The following CHRM3 variants were observed in gnomAD, a reference collection of about 807,000 sequenced individuals.
CHRM3 encodes the protein muscarinic acetylcholine receptor M3.
CHRM3 carries 11 observed loss-of-function variants against 41.8 expected under a neutral mutation model. The ratio of observed to expected loss-of-function variants is 0.26; its 90% CI spans 0.17 to 0.44. The LOEUF is 0.44. CHRM3 is among the 20% of genes least tolerant of loss of function. CHRM3 has a pLI of 1.00. For synonymous variants in CHRM3, 297 were observed against 301.4 expected (o/e 0.99, Z 0.15); for missense variants, 571 against 745.4 (o/e 0.77, Z 2.72).
At chr1:239,548,966 A>T (rs915353788) in intron 3 of CHRM3, among the ~76,000 whole-genome samples, 2 of 152,208 alleles carry the variant, frequency 1.3e-5, no homozygotes, top group African/African-American at 4.8e-5. Flanking sequence ...AAGAGGTTTA[A>T]TGAACTTACG....
chr1:239,444,401 A>C (rs1273209100), intron 1 of CHRM3, among the ~76,000 whole-genome samples: 1 of 152,334 alleles, frequency 6.6e-6, no homozygotes, highest in South Asian at 2.1e-4. Flanking sequence ...CACAACTGTA[A>C]TAAAAAGAAT....
intron 6 of CHRM3, among the ~76,000 whole-genome samples, chr1:239,906,287 A>G (rs143949758): frequency 5.5e-4 from 84 of 152,352 alleles, no homozygotes; most frequent in African/African-American, 1.9e-3. Context: ...ATGTATGTTT[A>G]TCTGTAAGAG....
At chr1:239,474,171 G>A (rs1485654327) in intron 1 of CHRM3, among the ~76,000 whole-genome samples, 1 of 151,800 alleles carries the variant, frequency 6.6e-6, no homozygotes, top group East Asian at 1.9e-4. Context: ...AGTAACTAAA[G>A]CACTGAGATG....
intron 2 of CHRM3, among the ~76,000 whole-genome samples, chr1:239,535,562 A>G (rs10925907): frequency 0.24 from 35,639 of 150,350 alleles, 4,765 homozygotes; most frequent in Middle Eastern, 0.46. Flanking sequence ...GTTCTGCCCT[A>G]TGAAAATACT....
In CHRM3 at chr1:239,909,255, C is replaced by A; in HGVS notation, c.*31C>A. 1 of 1,567,382 alleles carries A rather than the reference C, an allele frequency of 6.4e-7. No individual in the cohort carries two copies. The highest frequency in any genetic ancestry group is 1.2e-5 in the South Asian group (1 of 82,462). Reference sequence around the variant, plus strand: ...GGTTGTATCAATAGCAGTGACAAAACGCACACATCAACCCACAGACCTTAG... The same window carrying A: ...GGTTGTATCAATAGCAGTGACAAAAAGCACACATCAACCCACAGACCTTAG... On this transcript the variant is annotated 3_prime_UTR_variant, in exon 7 of 7. Transcript: ENST00000676153.
intron 3 of CHRM3, among the ~76,000 whole-genome samples, chr1:239,597,676 A>G (rs960721953): frequency 5.9e-5 from 9 of 151,992 alleles, no homozygotes; most frequent in African/African-American, 2.2e-4. Context: ...TATTTAAAAT[A>G]CAAAAATGCT....
chr1:239,454,476 C>CTT (rs1044772449), intron 1 of CHRM3, among the ~76,000 whole-genome samples: 5 of 144,964 alleles, frequency 3.4e-5, no homozygotes, highest in Non-Finnish European at 6.1e-5. Flanking sequence ...TTTTTTTTTT[C>CTT]TTTTTTTTTT....
At chr1:239,394,728 T>C (rs537730616) in intron 1 of CHRM3, among the ~76,000 whole-genome samples, 3 of 152,360 alleles carry the variant, frequency 2.0e-5, no homozygotes, top group African/African-American at 7.2e-5. Flanking sequence ...GCCAAAAATC[T>C]AATTCTCATT....
chr1:239,825,206 T>G (rs1672357052), intron 5 of CHRM3, among the ~76,000 whole-genome samples: 1 of 152,224 alleles, frequency 6.6e-6, no homozygotes, highest in Admixed American at 6.5e-5. Flanking sequence ...TCATTCGTAT[T>G]TTATATCAAT....
chr1:239,825,107 C>T (rs1219904455), intron 5 of CHRM3, among the ~76,000 whole-genome samples: 1 of 152,216 alleles, frequency 6.6e-6, no homozygotes, highest in Admixed American at 6.5e-5. Context: ...CCTTATGGGA[C>T]ATACAGTCCA....
chr1:239,571,963 A>T (rs567165116), intron 3 of CHRM3, among the ~76,000 whole-genome samples: 1 of 152,168 alleles, frequency 6.6e-6, no homozygotes, highest in Non-Finnish European at 1.5e-5. Flanking sequence ...CCAGTATGTC[A>T]TATCAACTAC....
intron 3 of CHRM3, among the ~76,000 whole-genome samples, chr1:239,602,140 A>ATATATATATATATAT (rs1432471091): frequency 2.1e-5 from 3 of 144,834 alleles, no homozygotes; most frequent in African/African-American, 5.2e-5. Flanking sequence ...ATATATATAT[A>ATATATATATATATAT]ATTTTGTTTT....
chr1:239,389,031 T>C (rs1658788435), intron 1 of CHRM3, among the ~76,000 whole-genome samples: 3 of 152,202 alleles, frequency 2.0e-5, no homozygotes, highest in Admixed American at 2.0e-4. Flanking sequence ...TATTATGAGA[T>C]CGAATGTAGC....
chr1:239,833,310 T>C (rs1390539175), intron 6 of CHRM3, among the ~76,000 whole-genome samples: 1 of 152,202 alleles, frequency 6.6e-6, no homozygotes, highest in Non-Finnish European at 1.5e-5. Flanking sequence ...GCTCCTTGAC[T>C]GCTCATGCCA....
Position 239,424,324 on chromosome 1 carries a change from A to T in CHRM3, c.-521+37097A>T, listed in dbSNP as rs115168867. On this transcript the variant is annotated intron_variant, in intron 1 of 6. Coordinates refer to ENST00000676153, the MANE Select transcript of CHRM3 (RefSeq NM_001375978.1). ...AGGGTCTAGAACATAATCATTCATT[A>T]ATGAATATTTATTGAATTAAATAAT... is the stretch of plus-strand genomic sequence containing the variant. Among the ~76,000 whole-genome samples the T allele has an allele frequency of 4.4e-3, 666 of 152,164 alleles. 5 individuals carry two copies. The highest frequency in any genetic ancestry group is 0.015 in the African/African-American group (635 of 41,504).
At chr1:239,479,205 C>T (rs1666661879) in intron 1 of CHRM3, among the ~76,000 whole-genome samples, 1 of 150,968 alleles carries the variant, frequency 6.6e-6, no homozygotes, top group African/African-American at 2.5e-5. Flanking sequence ...CACACACACA[C>T]ACACACACAC....
chr1:239,726,642 C>T (rs1004815929), intron 5 of CHRM3, among the ~76,000 whole-genome samples: 9 of 151,816 alleles, frequency 5.9e-5, no homozygotes, highest in Admixed American at 3.3e-4. Context: ...ATCTAGTGTA[C>T]AGAACACTTG....
intron 1 of CHRM3, among the ~76,000 whole-genome samples, chr1:239,490,280 G>A (rs1012104093): frequency 7.9e-5 from 12 of 152,160 alleles, no homozygotes; most frequent in Non-Finnish European, 1.6e-4. Flanking sequence ...TTGTGTATAT[G>A]TTAAGCACTG....
At chr1:239,407,440 A>AGAGC (rs1240463600) in intron 1 of CHRM3, among the ~76,000 whole-genome samples, 4 of 150,186 alleles carry the variant, frequency 2.7e-5, no homozygotes, top group South Asian at 4.2e-4. Flanking sequence ...AGAGAGAGAG[A>AGAGC]GCGCTAAATT....
Sources: gnomAD v4.1 joint callset for allele counts (sites outside exome capture counted in the v4.1 genomes callset) on GRCh38, gnomAD v4.1.1 for gene constraint, MANE v1.5 for transcripts, NCBI Gene and HGNC (gene_info 2026-07-23, HGNC 2026-07-21) for gene names.